PYROXD1: variants seen among roughly 807,000 people sequenced by gnomAD.
PYROXD1 encodes tRNA ligase complex-associated NAD(P)H dehydrogenase PYROXD1.
A neutral mutation model predicts 62.0 loss-of-function variants in PYROXD1; 42 were observed. The observed-to-expected ratio is 0.68, with a 90% confidence interval of 0.53 to 0.88. The LOEUF is 0.88. Among genes scored for constraint, PYROXD1 ranks in the 40% least tolerant of loss-of-function variants. The pLI is 0.00. For missense variants in PYROXD1, 493 were observed against 604.8 expected, an observed-to-expected ratio of 0.82 and a Z score of 1.94; for synonymous variants, 170 against 206.4, an observed-to-expected ratio of 0.82 and a Z score of 1.51.
intron 5 of PYROXD1, chr12:21,454,810 G>A (rs1942566006): frequency 6.0e-6 from 1 of 165,740 alleles, no homozygotes; most frequent in South Asian, 2.0e-4. Context: ...TACCCCTGGG[G>A]GCCATTCATA....
chr12:21,445,148 G>T (rs1193065262), intron 2 of PYROXD1, among the ~76,000 whole-genome samples, 199 bp from the exon 3 acceptor site: 13 of 152,128 alleles, frequency 8.5e-5, no homozygotes, highest in Admixed American at 8.5e-4. Flanking sequence ...CACCTGACTT[G>T]CCCAGGAGCG....
intron 7 of PYROXD1, among the ~76,000 whole-genome samples, chr12:21,459,335 G>A (rs1480257615): frequency 6.6e-6 from 1 of 152,192 alleles, no homozygotes; most frequent in Non-Finnish European, 1.5e-5. Flanking sequence ...TGAACATGTG[G>A]AAGTTGCTAG....
chr12:21,446,347 C>G (rs755007661), intron 3 of PYROXD1, among the ~76,000 whole-genome samples: 1 of 151,968 alleles, frequency 6.6e-6, no homozygotes, highest in Non-Finnish European at 1.5e-5. Flanking sequence ...ATGGCGTGAA[C>G]CCGGGAGGCG....
chr12:21,454,145 T>A (rs1005745624), intron 5 of PYROXD1, among the ~76,000 whole-genome samples: 1 of 152,036 alleles, frequency 6.6e-6, no homozygotes, highest in Non-Finnish European at 1.5e-5. Context: ...TAAACCTTTT[T>A]TCGTAATCTG....
intron 7 of PYROXD1, among the ~76,000 whole-genome samples, chr12:21,460,106 T>G (rs1229382270): frequency 1.3e-5 from 2 of 152,186 alleles, no homozygotes; most frequent in Non-Finnish European, 2.9e-5. Context: ...TTCGTTACTT[T>G]GTGTGATTTC....
intron 3 of PYROXD1, among the ~76,000 whole-genome samples, chr12:21,447,304 T>TA (rs1322793865): frequency 6.6e-6 from 1 of 152,004 alleles, no homozygotes; most frequent in African/African-American, 2.4e-5. Context: ...CAGGAAAAAA[T>TA]AAAAAATCTG....
intron 3 of PYROXD1, among the ~76,000 whole-genome samples, chr12:21,446,625 T>TA (rs1266046891): frequency 3.3e-5 from 5 of 150,672 alleles, no homozygotes; most frequent in African/African-American, 1.2e-4. Context: ...ATGTGAAGAG[T>TA]CAGGAAATTA....
chr12:21,437,908 C>T (rs865848404), intron 1 of PYROXD1, 94 bp downstream of exon 1: 2 of 1,190,248 alleles, frequency 1.7e-6, no homozygotes, highest in South Asian at 1.5e-5. Context: ...TTTTCTTCTT[C>T]CGGGTTCCTT....
intron 10 of PYROXD1, among the ~76,000 whole-genome samples, chr12:21,467,139 ATC>A (rs1207287937): frequency 1.3e-5 from 2 of 152,160 alleles, no homozygotes; most frequent in Non-Finnish European, 2.9e-5. Flanking sequence ...ATAATTTGAC[ATC>A]TCTGTTAATG....
Position 21,468,543 on chromosome 12 carries a change from GT to G in PYROXD1, c.1294del (p.Ser432GlnfsTer5). 1.2e-6 allele frequency: 2 copies of G among 1,612,756 alleles called. No homozygotes were observed. The highest frequency in any genetic ancestry group is 1.7e-6 in the Non-Finnish European group (2 of 1,179,146). ...LLGKYNAQGL[G>X]SDHELMLRCT... ...GGAAAATACAATGCACAGGGCTTAG[GT>G]TCAGATCATGAATTAATGCTGAGAT... On this transcript the variant is annotated frameshift_variant, in exon 12 of 12. Transcript: ENST00000240651. LOFTEE classifies it high-confidence loss of function.
intron 1 of PYROXD1, among the ~76,000 whole-genome samples, chr12:21,440,029 GGAAGATAGT>G (rs1942264108): frequency 6.6e-6 from 1 of 152,058 alleles, no homozygotes; most frequent in Admixed American, 6.6e-5. Context: ...CTGGTAATTA[GGAAGATAGT>G]TTATTCTCAT....
chr12:21,445,810 A>G (rs779296756), intron 3 of PYROXD1, among the ~76,000 whole-genome samples: 6 of 152,158 alleles, frequency 3.9e-5, no homozygotes, highest in Non-Finnish European at 7.4e-5. Flanking sequence ...ATGAACATGC[A>G]TACTATAATT....
At chr12:21,450,631 G>A (rs867096026) in intron 4 of PYROXD1, among the ~76,000 whole-genome samples, 13 of 152,232 alleles carry the variant, frequency 8.5e-5, no homozygotes, top group African/African-American at 2.9e-4. Context: ...CCTCAAGTTC[G>A]TTGTTCTGTC....
intron 10 of PYROXD1, among the ~76,000 whole-genome samples, chr12:21,466,191 C>T (rs1404490726): frequency 6.7e-6 from 1 of 149,862 alleles, no homozygotes; most frequent in African/African-American, 2.5e-5. Context: ...TAGTTTTTTC[C>T]AATTCTGTGA....
chr12:21,467,381 T>C (rs966143012), intron 10 of PYROXD1, 100 bp from the exon 11 acceptor site: 3 of 1,070,678 alleles, frequency 2.8e-6, no homozygotes, highest in Non-Finnish European at 4.0e-6. Context: ...ACAGAAAGAC[T>C]GTCAAACATT....
intron 5 of PYROXD1, among the ~76,000 whole-genome samples, chr12:21,454,355 A>G (rs1388176314): frequency 6.6e-6 from 1 of 152,004 alleles, no homozygotes; most frequent in East Asian, 1.9e-4. Flanking sequence ...GATTGTCTCC[A>G]TTTCCACCAG....
chr12:21,442,754 C>T (rs1187757430), intron 2 of PYROXD1, among the ~76,000 whole-genome samples: 1 of 152,200 alleles, frequency 6.6e-6, no homozygotes, highest in African/African-American at 2.4e-5. Context: ...TGTTGGTCCC[C>T]TCACAGTAGC....
intron 2 of PYROXD1, among the ~76,000 whole-genome samples, chr12:21,443,537 A>T (rs1181891225): frequency 6.6e-6 from 1 of 152,186 alleles, no homozygotes; most frequent in Admixed American, 6.5e-5. Flanking sequence ...CTGTAGCTCA[A>T]CTGTTAAAAA....
chr12:21,449,416 G>T, intron 3 of PYROXD1, 147 bp from the exon 4 acceptor site: 1 of 576,746 alleles, frequency 1.7e-6, no homozygotes, highest in Non-Finnish European at 3.0e-6. Context: ...TTTTGTAATT[G>T]CTATAACAAA....
Sources: allele counts gnomAD v4.1 joint callset (sites outside exome capture counted in the v4.1 genomes callset), GRCh38; gene constraint gnomAD v4.1.1; transcripts MANE v1.5; gene names NCBI Gene and HGNC (gene_info 2026-07-23, HGNC 2026-07-21).